Variants in GPC6 observed in about 807,000 individuals in gnomAD.
The protein encoded by GPC6 is glypican-6.
A neutral mutation model predicts 55.2 loss-of-function variants in GPC6; 14 were observed. That is an observed-to-expected ratio of 0.25 (90% CI 0.17 to 0.40). GPC6 has a LOEUF of 0.40. Among genes scored for constraint, GPC6 ranks in the 10% least tolerant of loss-of-function variants. The probability of loss-of-function intolerance (pLI) is 1.00; values close to 1 mark genes in which losing one functional copy is unlikely to be tolerated. For missense variants in GPC6, 641 were observed against 708.5 expected (o/e 0.90, Z 1.08); for synonymous variants, 278 against 259.6 (o/e 1.07, Z -0.68).
intron 3 of GPC6, among the ~76,000 whole-genome samples, chr13:93,939,431 A>AATAATG (rs1030836854): frequency 1.3e-5 from 2 of 151,332 alleles, no homozygotes; most frequent in Admixed American, 1.3e-4. Flanking sequence ...TAATAATAAT[A>AATAATG]ATAATGATAA....
intron 4 of GPC6, among the ~76,000 whole-genome samples, chr13:94,159,549 A>T (rs747104753): frequency 3.3e-5 from 5 of 152,114 alleles, no homozygotes; most frequent in African/African-American, 1.2e-4. Context: ...AACTGCCCTC[A>T]TGATTCAATT....
chr13:93,920,141 C>T (rs972305137), intron 3 of GPC6, among the ~76,000 whole-genome samples: 3 of 152,102 alleles, frequency 2.0e-5, no homozygotes, highest in African/African-American at 7.2e-5. Flanking sequence ...TTAGTTTTAA[C>T]GACCCCCTAA....
chr13:94,356,887 G>A (rs1022801347), intron 6 of GPC6, among the ~76,000 whole-genome samples: 2 of 152,140 alleles, frequency 1.3e-5, no homozygotes, highest in Admixed American at 6.5e-5. Context: ...GAACAACAGA[G>A]TGAGACCCTG....
chr13:93,484,744 A>T (rs1206040208), intron 1 of GPC6, among the ~76,000 whole-genome samples: 2 of 152,182 alleles, frequency 1.3e-5, no homozygotes, highest in Non-Finnish European at 2.9e-5. Flanking sequence ...AATGAAATAC[A>T]GATAATTATA....
intron 4 of GPC6, among the ~76,000 whole-genome samples, chr13:94,175,953 T>TAG (rs1263703793): frequency 1.0e-4 from 11 of 106,574 alleles, no homozygotes; most frequent in South Asian, 3.0e-4. Flanking sequence ...TATATATATA[T>TAG]ATAGAGAGAG....
chr13:94,377,142 A>G (rs1342676520), intron 6 of GPC6, among the ~76,000 whole-genome samples: 4 of 151,574 alleles, frequency 2.6e-5, no homozygotes, highest in African/African-American at 7.2e-5. Flanking sequence ...AGGCATGGGC[A>G]AGGACTTCAT....
chr13:94,250,442 A>G (rs905839036), intron 4 of GPC6, among the ~76,000 whole-genome samples: 2 of 152,174 alleles, frequency 1.3e-5, no homozygotes, highest in African/African-American at 4.8e-5. Flanking sequence ...GAGCGGTTAA[A>G]TATTTTGAAT....
At chr13:93,837,367 C>T (rs1419974521) in intron 3 of GPC6, among the ~76,000 whole-genome samples, 1 of 152,190 alleles carries the variant, frequency 6.6e-6, no homozygotes, top group Non-Finnish European at 1.5e-5. Context: ...TTGTTTGGAA[C>T]CACAGTCCTA....
intron 1 of GPC6, among the ~76,000 whole-genome samples, chr13:93,299,433 G>A (rs999241016): frequency 6.6e-6 from 1 of 152,122 alleles, no homozygotes; most frequent in African/African-American, 2.4e-5. Flanking sequence ...AACAGTGATC[G>A]CTAAAATGAC....
intron 3 of GPC6, among the ~76,000 whole-genome samples, chr13:93,888,076 T>C (rs1052564314): frequency 6.6e-6 from 1 of 152,124 alleles, no homozygotes; most frequent in Non-Finnish European, 1.5e-5. Context: ...GAATGAATAC[T>C]AGGAAGTCCT....
chr13:93,386,022 G>C (rs972539580), intron 1 of GPC6, among the ~76,000 whole-genome samples: 60 of 147,674 alleles, frequency 4.1e-4, no homozygotes, highest in Admixed American at 1.6e-3. Flanking sequence ...CATTACTGCT[G>C]TTCCTCAGTC....
chr13:94,248,493 C>T (rs1891260488), intron 4 of GPC6, among the ~76,000 whole-genome samples: 1 of 152,040 alleles, frequency 6.6e-6, no homozygotes, highest in African/African-American at 2.4e-5. Context: ...ATAAAAACCT[C>T]AAATCTTATC....
chr13:93,953,615 T>C (rs1879364667), intron 3 of GPC6, among the ~76,000 whole-genome samples: 1 of 152,214 alleles, frequency 6.6e-6, no homozygotes, highest in African/African-American at 2.4e-5. Context: ...AAGTATTTCT[T>C]TTGAATTGTC....
chr13:93,946,714 A>G (rs779119285), intron 3 of GPC6, among the ~76,000 whole-genome samples: 11 of 152,224 alleles, frequency 7.2e-5, no homozygotes, highest in African/African-American at 1.4e-4. Flanking sequence ...ATATTAGACT[A>G]TCAACCCCAA....
At chr13:93,882,866 G>A (rs1352320558) in intron 3 of GPC6, among the ~76,000 whole-genome samples, 2 of 152,244 alleles carry the variant, frequency 1.3e-5, no homozygotes, top group Admixed American at 1.3e-4. Context: ...GCCTTGAACA[G>A]ACTCACTGAG....
intron 2 of GPC6, among the ~76,000 whole-genome samples, chr13:93,647,635 C>T (rs1413570726): frequency 6.6e-6 from 1 of 152,132 alleles, no homozygotes; most frequent in Non-Finnish European, 1.5e-5. Context: ...TGGGATCCTG[C>T]CCATCATGGT....
chr13:94,152,197 A>G (rs1240151790), intron 4 of GPC6, among the ~76,000 whole-genome samples: 2 of 152,210 alleles, frequency 1.3e-5, no homozygotes, highest in Non-Finnish European at 2.9e-5. Context: ...TACAATGTCA[A>G]TCAAGTTTAT....
At chr13:93,592,514 G>A (rs965891063) in intron 2 of GPC6, among the ~76,000 whole-genome samples, 1 of 150,582 alleles carries the variant, frequency 6.6e-6, no homozygotes, top group Non-Finnish European at 1.5e-5. Context: ...CTCCCAAAGT[G>A]CTGGGATTAC....
chr13:93,353,571 A>G (rs1880709320), intron 1 of GPC6, among the ~76,000 whole-genome samples: 1 of 152,246 alleles, frequency 6.6e-6, no homozygotes, highest in Non-Finnish European at 1.5e-5. Context: ...GAAGGTGTTT[A>G]AGAAGAAGCC....
Sources: allele counts gnomAD v4.1 joint callset (sites outside exome capture counted in the v4.1 genomes callset), GRCh38; gene constraint gnomAD v4.1.1; transcripts MANE v1.5; gene names NCBI Gene and HGNC (gene_info 2026-07-23, HGNC 2026-07-21).